Variants in XCR1 observed in about 807,000 individuals in gnomAD.
The protein encoded by XCR1 is chemokine XC receptor 1.
For missense variants in XCR1, 356 were observed against 424.2 expected (o/e 0.84, Z 1.41); for synonymous variants, 187 against 188.5 (o/e 0.99, Z 0.06).
In XCR1 at chr3:46,017,844, AAG is replaced by A. The variant is rs1300132432; in HGVS notation, c.*3100_*3101del. 2.0e-5 allele frequency: 3 copies of A among 152,342 alleles called. No individual in the cohort carries two copies. Among genetic ancestry groups the A allele is most frequent in the Non-Finnish European group, 4.4e-5 (3 of 68,166 alleles). The allele number at this position is 152,342 out of a possible 1,614,324, so 9.4% of individuals were successfully genotyped here. A position where few individuals can be genotyped will look rare whatever the true frequency, so the allele number is the denominator to read the frequency against. Reference sequence around the variant, plus strand: ...TGTTTGGAGGGAGAGATAGGCCTGCAAGAGTCCAGTTGAGATTGAGCAATGGT... The same window carrying A: ...TGTTTGGAGGGAGAGATAGGCCTGCAAGTCCAGTTGAGATTGAGCAATGGT... On this transcript the variant is annotated 3_prime_UTR_variant, in exon 2 of 2. Transcript: ENST00000309285.
At chr3:46,059,107 G>A (rs150149291) in intron 4 of XCR1, among the ~76,000 whole-genome samples, 3 of 152,170 alleles carry the variant, frequency 2.0e-5, no homozygotes, top group African/African-American at 4.8e-5. Context: ...AGACAGGCCC[G>A]AGCCAGCCTT....
chr3:46,049,754 G>C (rs1260532908), intron 5 of XCR1, among the ~76,000 whole-genome samples: 2 of 152,188 alleles, frequency 1.3e-5, no homozygotes, highest in Non-Finnish European at 2.9e-5. Flanking sequence ...TGTCCACCTG[G>C]AGTAGGCTTG....
Position 46,079,276 on chromosome 3 carries a change from C to T in XCR1, c.-514-2350G>A, listed in dbSNP as rs1007430446. Among the ~76,000 whole-genome samples the T allele has an allele frequency of 6.9e-4, 105 of 152,214 alleles. 1 individual carries two copies. Among genetic ancestry groups the T allele is most frequent in the Non-Finnish European group, 1.3e-4 (9 of 68,016 alleles). On this transcript the variant is annotated intron_variant, in intron 1 of 5. Coordinates refer to the XCR1 transcript ENST00000683768. ...CCATATAGCCCAGGATGATCATCAA[C>T]AATGGCCAAAATGTGGGTCTTTTGA...
intron 4 of XCR1, among the ~76,000 whole-genome samples, chr3:46,057,048 C>G (rs1313028372): frequency 6.6e-6 from 1 of 152,178 alleles, no homozygotes; most frequent in African/African-American, 2.4e-5. Context: ...TTCATCATCA[C>G]CCTACAATGT....
chr3:46,047,078 A>G (rs921363251), intron 5 of XCR1, among the ~76,000 whole-genome samples: 5 of 152,216 alleles, frequency 3.3e-5, no homozygotes, highest in Non-Finnish European at 7.3e-5. Flanking sequence ...TTTGTAACTC[A>G]GTGTTAATTT....
chr3:46,076,947 T>C (rs35951367), intron 1 of XCR1, among the ~76,000 whole-genome samples: 20,634 of 152,160 alleles, frequency 0.14, 1,639 homozygotes, highest in South Asian at 0.35. Context: ...AAAGAAACTT[T>C]TTATGTGAGG....
At chr3:46,075,959 G>A (rs955323350) in intron 2 of XCR1, among the ~76,000 whole-genome samples, 13 of 152,090 alleles carry the variant, frequency 8.5e-5, no homozygotes, top group Non-Finnish European at 8.8e-5. Flanking sequence ...ATCTAGTTTG[G>A]GGAATGTAAC....
At chr3:46,081,149 C>T (rs1207059767) in intron 1 of XCR1, among the ~76,000 whole-genome samples, 1 of 152,200 alleles carries the variant, frequency 6.6e-6, no homozygotes, top group Non-Finnish European at 1.5e-5. Context: ...ACACATTTTA[C>T]TGGTCAAGTA....
chr3:46,082,906 G>C (rs1342939829), intron 1 of XCR1, among the ~76,000 whole-genome samples: 1 of 152,122 alleles, frequency 6.6e-6, no homozygotes, highest in African/African-American at 2.4e-5. Flanking sequence ...TGCTGGGTTT[G>C]CTACCCTAAA....
At chr3:46,053,251 C>A (rs1223665424) in intron 5 of XCR1, among the ~76,000 whole-genome samples, 2 of 151,750 alleles carry the variant, frequency 1.3e-5, no homozygotes, top group Non-Finnish European at 2.9e-5. Context: ...ATTCCTTTAA[C>A]AACTTAAACT....
intron 1 of XCR1, among the ~76,000 whole-genome samples, chr3:46,026,718 G>A (rs912079858): frequency 2.0e-4 from 31 of 151,404 alleles, no homozygotes; most frequent in African/African-American, 7.5e-4. Context: ...AAGTAGCTAG[G>A]ACTACAGGTG....
chr3:46,076,703 A>G (rs527513647), intron 2 of XCR1, among the ~76,000 whole-genome samples: 1 of 152,278 alleles, frequency 6.6e-6, no homozygotes, highest in African/African-American at 2.4e-5. Context: ...TGGGGCATAG[A>G]AAACAAGGGG....
intron 5 of XCR1, among the ~76,000 whole-genome samples, chr3:46,053,796 G>C (rs1697798001): frequency 2.0e-5 from 3 of 151,958 alleles, no homozygotes; most frequent in Non-Finnish European, 4.4e-5. Flanking sequence ...AAAACTTTAA[G>C]CAACTGCACA....
rs746729427 is a variant in XCR1, at chr3:46,021,405, C to T, written c.543G>A (p.Thr181=). 4 of 1,614,134 alleles carry T rather than the reference C, an allele frequency of 2.5e-6. No individual in the cohort carries two copies. The highest frequency in any genetic ancestry group is 1.6e-4 in the Middle Eastern group (1 of 6,062). Residue 181 remains threonine (T), a synonymous_variant, in exon 2 of 2, where the codon ACG becomes ACA. Transcript: ENST00000309285. The surrounding 1 kb of genome is among the most constrained non-coding windows in gnomAD (Gnocchi z 4.7). ...LSSGCDYSEL[T]WYLTSVYQHN... is the part of the protein sequence containing the mutation. ...GCTGGTAGACGGAGGTGAGGTACCA[C>T]GTGAGTTCGGAATAATCACAGCCCG...
At chr3:46,044,256 G>A (rs1160679536) in intron 5 of XCR1, among the ~76,000 whole-genome samples, 1 of 152,086 alleles carries the variant, frequency 6.6e-6, no homozygotes, top group Non-Finnish European at 1.5e-5. Context: ...CAAAGTGCTG[G>A]GATTACAGGG....
At chr3:46,022,405 G>A (rs1708175519) in intron 1 of XCR1, 1 of 159,026 alleles carries the variant, frequency 6.3e-6, no homozygotes, top group South Asian at 1.8e-4. Context: ...TCTACAGAGT[G>A]TATTTTCCCC....
chr3:46,053,233 C>T (rs1187958066), intron 5 of XCR1, among the ~76,000 whole-genome samples: 4 of 152,018 alleles, frequency 2.6e-5, no homozygotes, highest in Non-Finnish European at 5.9e-5. Context: ...TTACCACACT[C>T]GCTTTTAATT....
chr3:46,042,584 C>T (rs574148579), intron 5 of XCR1, among the ~76,000 whole-genome samples: 15 of 151,990 alleles, frequency 9.9e-5, no homozygotes, highest in South Asian at 2.1e-4. Context: ...TAAAATGGAC[C>T]GATTCTTAAG....
Position 46,074,214 on chromosome 3 carries a change from C to CTTTTTTTTTTTTTTTTTT in XCR1, c.-263+419_-263+436dup, listed in dbSNP as rs35124592. The stretch of plus-strand genomic sequence containing the variant: ...CAACACGAATGGAACTGAAGGCCAT[C>CTTTTTTTTTTTTTTTTTT]TTTTTTTTTTTTTTTTTTTTTTTTT... On this transcript the variant is annotated intron_variant, in intron 3 of 5. Transcript: ENST00000683768. Among the ~76,000 whole-genome samples the CTTTTTTTTTTTTTTTTTT allele has an allele frequency of 2.0e-3, 169 of 86,656 alleles. 13 individuals carry two copies. The highest frequency in any genetic ancestry group is 2.7e-3 in the East Asian group (7 of 2,628). 56.8% of individuals were successfully genotyped at this position (86,656 alleles called of 152,430 possible). A position where few individuals can be genotyped will look rare whatever the true frequency, so the allele number is the denominator to read the frequency against.
Sources: allele counts gnomAD v4.1 joint callset (sites outside exome capture counted in the v4.1 genomes callset), GRCh38; gene constraint gnomAD v4.1.1; non-coding constraint Gnocchi (gnomAD v3.1); transcripts MANE v1.5; gene names NCBI Gene and HGNC (gene_info 2026-07-23, HGNC 2026-07-21).